Variants in AP1G1 observed in about 807,000 individuals in gnomAD.
AP1G1 encodes AP-1 complex subunit gamma-1.
A neutral mutation model predicts 108.3 loss-of-function variants in AP1G1; 7 were observed. The observed-to-expected ratio is 0.06, with a 90% CI of 0.04 to 0.12. The LOEUF (loss-of-function observed/expected upper bound fraction) is 0.12. AP1G1 is among the 10% of genes least tolerant of loss of function. The probability of loss-of-function intolerance (pLI) is 1.00; values close to 1 mark genes in which losing one functional copy is unlikely to be tolerated. For synonymous variants in AP1G1, 379 were observed against 353.5 expected (o/e 1.07, Z -0.81); for missense variants, 756 against 1,010.7 (o/e 0.75, Z 3.42).
chr16:71,748,156 T>C (rs1318833883), intron 16 of AP1G1, 95 bp downstream of exon 16: 2 of 1,322,230 alleles, frequency 1.5e-6, no homozygotes, highest in Non-Finnish European at 2.1e-6. Context: ...CTTTTGTCTA[T>C]GCTTGAAATT....
chr16:71,807,276 C>G (rs903247518), intron 1 of AP1G1, among the ~76,000 whole-genome samples: 3 of 152,090 alleles, frequency 2.0e-5, no homozygotes. Context: ...AATACAACAA[C>G]AAAAAATTAG....
At chr16:71,763,673 T>C (rs1267048289) in intron 9 of AP1G1, among the ~76,000 whole-genome samples, 1 of 152,180 alleles carries the variant, frequency 6.6e-6, no homozygotes, top group East Asian at 1.9e-4. Flanking sequence ...GAAAAGAACT[T>C]AACCTAAGTT....
rs71153664 is a variant in AP1G1 at position 71,804,408 on chromosome 16, A to ATTT, written c.-4+4352_-4+4354dup. Among the ~76,000 whole-genome samples, 137 of 124,750 alleles carry ATTT rather than the reference A, an allele frequency of 1.1e-3. 4 individuals are homozygous for ATTT. Among genetic ancestry groups the ATTT allele is most frequent in the East Asian group, 2.1e-3 (9 of 4,190 alleles). 81.8% of individuals were successfully genotyped at this position (124,750 alleles called of 152,430 possible). ...CAAAAGATTTCTATATGCTCTCTTA[A>ATTT]TTTTTTTTTTTTTTTTTTGAGACAG... On this transcript the variant is annotated intron_variant, in intron 1 of 22. Coordinates refer to ENST00000299980, the MANE Select transcript of AP1G1 (RefSeq NM_001128.6).
At chr16:71,779,249 C>CCCCCA (rs2031909963) in intron 2 of AP1G1, among the ~76,000 whole-genome samples, 1 of 151,674 alleles carries the variant, frequency 6.6e-6, no homozygotes, top group Non-Finnish European at 1.5e-5. Flanking sequence ...TGGGTCACCG[C>CCCCCA]CCCCACCCCA....
chr16:71,731,700 G>T lies in AP1G1; in HGVS notation c.*1358C>A, dbSNP rs2045476574. The T allele has an allele frequency of 6.6e-6, 1 of 152,536 alleles. No individual in the cohort carries two copies. The highest frequency in any genetic ancestry group is 2.4e-5 in the African/African-American group (1 of 41,418). The allele number at this position is 152,536 out of a possible 1,614,324, so 9.4% of individuals were successfully genotyped here. ...TAAAAAGCACTTGGCACTCTCACTAGTTTAAAAAGCTCAAGTCTTTGATGT... is the reference window on the plus strand; with the variant it reads ...TAAAAAGCACTTGGCACTCTCACTATTTTAAAAAGCTCAAGTCTTTGATGT... On this transcript the variant is annotated 3_prime_UTR_variant, in exon 23 of 23. Transcript: ENST00000299980.
intron 7 of AP1G1, 57 bp from the exon 8 acceptor site, chr16:71,764,783 A>C: frequency 6.7e-5 from 74 of 1,104,794 alleles, no homozygotes; most frequent in Middle Eastern, 2.0e-4. Context: ...AAGAAATCTC[A>C]CTTGGTATGA....
In AP1G1 at chr16:71,748,315, C is replaced by G; in HGVS notation, c.1561G>C (p.Val521Leu). The G allele has an allele frequency of 1.2e-6, 2 of 1,613,206 alleles. No homozygotes were observed. The highest frequency in any genetic ancestry group is 1.7e-6 in the Non-Finnish European group (2 of 1,179,186). Reference sequence around the variant, plus strand: ...GCAGTGAGGGCATAACCTCGTGTCACAGAGGTGGACATATTAGAGATTAGG... The same window carrying G: ...GCAGTGAGGGCATAACCTCGTGTCAGAGAGGTGGACATATTAGAGATTAGG... ...SVLISNMSTS[V>L]TRGYALTAIM... is the part of the protein sequence containing the mutation. Residue 521 changes from valine to leucine, a missense_variant, in exon 16 of 23, where the codon GTG (valine) becomes CTG (leucine). Transcript: ENST00000299980.
chr16:71,746,801 A>G lies in AP1G1; in HGVS notation c.1626-109T>C. 4.3e-6 allele frequency: 3 copies of G among 700,888 alleles called. No homozygotes were observed. The South Asian group carries it at 6.0e-5, about 14-fold the overall frequency. 43.4% of individuals were successfully genotyped at this position (700,888 alleles called of 1,614,324 possible). A position where few individuals can be genotyped will look rare whatever the true frequency, so the allele number is the denominator to read the frequency against. On this transcript the variant is annotated intron_variant, in intron 16 of 22. Transcript: ENST00000299980. ...TTCTGGTTAAAATACTGAAATACTC[A>G]TTTTTTCTTAATTTATATAGTTTTT...
At chr16:71,797,001 C>A (rs1044893595) in intron 1 of AP1G1, among the ~76,000 whole-genome samples, 1 of 140,880 alleles carries the variant, frequency 7.1e-6, no homozygotes, top group African/African-American at 2.6e-5. Flanking sequence ...AAGACCCTGA[C>A]TCTTAAAAAA....
rs769343527 is a variant in AP1G1 at position 71,745,229 on chromosome 16, T to C, written c.1914A>G (p.Thr638=). 3.1e-6 allele frequency: 5 copies of C among 1,614,074 alleles called. No homozygotes were observed. The highest frequency in any genetic ancestry group is 4.2e-6 in the Non-Finnish European group (5 of 1,180,036). The change falls in exon 19 of 23, where the codon ACA becomes ACG. Residue 638 remains threonine (T), a synonymous_variant. Coordinates refer to ENST00000299980, the MANE Select transcript of AP1G1 (RefSeq NM_001128.6). The part of the protein sequence containing the change: ...LLDLLGGNDI[T]PVIPTAPTSK... ...TTGTAGGCGCAGTTGGAATAACAGG[T>C]GTTATGTCATTTCCTCCCAACAAAT... is the stretch of plus-strand genomic sequence containing the variant.
Position 71,800,658 on chromosome 16 carries a change from A to T in AP1G1, c.-4+8105T>A, listed in dbSNP as rs138696382. Among the ~76,000 whole-genome samples the T allele has an allele frequency of 6.9e-3, 982 of 143,302 alleles. 10 individuals carry two copies. The highest frequency in any genetic ancestry group is 0.011 in the Non-Finnish European group (733 of 65,798). The allele number at this position is 143,302 out of a possible 152,430, so 94.0% of individuals were successfully genotyped here. A position where few individuals can be genotyped will look rare whatever the true frequency, so the allele number is the denominator to read the frequency against. ...CTACTAAAAATACAGAACATTAGCC[A>T]GGCGTGGTGGTGGGTGCCTGTAGTC... On this transcript the variant is annotated intron_variant, in intron 1 of 22. Transcript: ENST00000299980.
rs144235246 is a variant in AP1G1 at position 71,807,433 on chromosome 16, A to C, written c.-4+1330T>G. The stretch of plus-strand genomic sequence containing the variant: ...GAGACAGAGGGAGACTTCGTCTCAA[A>C]AAATAAATAAATAAAAATAAAGACA... On this transcript the variant is annotated intron_variant, in intron 1 of 22. Coordinates refer to ENST00000299980, the MANE Select transcript of AP1G1 (RefSeq NM_001128.6). 3.5e-4 allele frequency among the ~76,000 whole-genome samples: 54 copies of C among 152,370 alleles called. 1 individual carries two copies. The East Asian group carries it at 9.8e-3, about 28-fold the overall frequency.
Position 71,753,664 on chromosome 16 carries a change from T to C in AP1G1, c.1284+169A>G, listed in dbSNP as rs2030622808. 16 of 669,692 alleles carry C rather than the reference T, an allele frequency of 2.4e-5. No individual in the cohort carries two copies. The South Asian group carries it at 2.6e-4, about 11-fold the overall frequency. 41.5% of individuals were successfully genotyped at this position (669,692 alleles called of 1,614,324 possible). A position where few individuals can be genotyped will look rare whatever the true frequency, so the allele number is the denominator to read the frequency against. ...ATCCCACCTTATCCTGCCATCATTA[T>C]ATTCCTCCATGCTGCTTTAGGTTTT... On this transcript the variant is annotated intron_variant, in intron 13 of 22. Transcript: ENST00000299980.
rs1331239036 is a variant in AP1G1 at position 71,774,656 on chromosome 16, T to C, written c.202-64A>G. On this transcript the variant is annotated intron_variant, in intron 2 of 22. Transcript: ENST00000299980. ...TTGCTACCACAATCTAGAAAAGCAG[T>C]GTTTTTAACCCAGAGTCCCCAGCTG... 19 of 1,510,938 alleles carry C rather than the reference T, an allele frequency of 1.3e-5. No individual in the cohort carries two copies. The East Asian group carries it at 4.4e-4, about 35-fold the overall frequency. The allele number at this position is 1,510,938 out of a possible 1,614,324, so 93.6% of individuals were successfully genotyped here. A position where few individuals can be genotyped will look rare whatever the true frequency, so the allele number is the denominator to read the frequency against.
intron 1 of AP1G1, among the ~76,000 whole-genome samples, chr16:71,807,511 A>C (rs1023526126): frequency 1.3e-5 from 2 of 152,242 alleles, no homozygotes; most frequent in Admixed American, 1.3e-4. Context: ...AATAAAAGTG[A>C]CGAGATTACG....
chr16:71,767,553 A>C (rs1223034957), intron 6 of AP1G1, among the ~76,000 whole-genome samples: 1 of 152,196 alleles, frequency 6.6e-6, no homozygotes, highest in Non-Finnish European at 1.5e-5. Context: ...AAAGCTCCAG[A>C]CTAATCTGGA....
In AP1G1 at chr16:71,733,050, C is replaced by A; in HGVS notation, c.*8G>T. On this transcript the variant is annotated 3_prime_UTR_variant, in exon 23 of 23. Coordinates refer to ENST00000299980, the MANE Select transcript of AP1G1 (RefSeq NM_001128.6). The stretch of plus-strand genomic sequence containing the variant: ...AGTGGGATAAAGAATGAGAATGGTG[C>A]CAAACCCTCATTGCCAGGACTGAGG... 6.2e-7 allele frequency: 1 copy of A among 1,607,010 alleles called. No individual in the cohort carries two copies. Among genetic ancestry groups the A allele is most frequent in the Non-Finnish European group, 8.5e-7 (1 of 1,174,166 alleles).
chr16:71,800,821 C>A (rs1323025363), intron 1 of AP1G1, among the ~76,000 whole-genome samples: 3 of 150,424 alleles, frequency 2.0e-5, no homozygotes, highest in African/African-American at 7.3e-5. Context: ...AAGAAAGAAA[C>A]CCCATCTCTA....
At position 71,750,200 on chromosome 16, in the gene AP1G1, A is replaced by C. The variant is rs1329224774; in HGVS notation, c.1407+10T>G. On this transcript the variant is annotated intron_variant, in intron 14 of 22. Coordinates refer to ENST00000299980, the MANE Select transcript of AP1G1 (RefSeq NM_001128.6). The stretch of plus-strand genomic sequence containing the variant: ...AATTACCCCCTAAAATAGTTGAATG[A>C]AGTACTTACTTGAGAATAATCACCA... The C allele has an allele frequency of 1.9e-6, 3 of 1,611,558 alleles. No individual in the cohort carries two copies. The African/African-American group carries it at 4.0e-5, about 22-fold the overall frequency.
Sources: allele counts gnomAD v4.1 joint callset (sites outside exome capture counted in the v4.1 genomes callset), GRCh38; gene constraint gnomAD v4.1.1; transcripts MANE v1.5; gene names NCBI Gene and HGNC (gene_info 2026-07-23, HGNC 2026-07-21).